HP1BP3: variants seen among roughly 807,000 people sequenced by gnomAD.
HP1BP3 encodes the protein heterochromatin protein 1-binding protein 3.
A neutral mutation model predicts 62.5 loss-of-function variants in HP1BP3; 12 were observed. The observed-to-expected ratio is 0.19, with a 90% CI of 0.12 to 0.31. The LOEUF (loss-of-function observed/expected upper bound fraction) is 0.31, where lower values mean the gene tolerates loss of function less well. Ranked by LOEUF, HP1BP3 falls within the 10% of genes least tolerant of loss-of-function variation. The pLI, the probability that HP1BP3 is intolerant of heterozygous loss-of-function variation, is 1.00. For synonymous variants in HP1BP3, 260 were observed against 237.8 expected, an observed-to-expected ratio of 1.09 and a Z score of -0.86; for missense variants, 502 against 651.8, an observed-to-expected ratio of 0.77 and a Z score of 2.50.
At chr1:20,772,701 C>G (rs530005117) in intron 5 of HP1BP3, among the ~76,000 whole-genome samples, 1 of 152,298 alleles carries the variant, frequency 6.6e-6, no homozygotes, top group South Asian at 2.1e-4. Flanking sequence ...CAGATCCTAA[C>G]AACAGGGTCC....
chr1:20,751,087 G>A (rs1459332099), intron 9 of HP1BP3, among the ~76,000 whole-genome samples: 3 of 151,974 alleles, frequency 2.0e-5, no homozygotes, highest in Non-Finnish European at 4.4e-5. Context: ...GACGTGCTGG[G>A]ATTATAGGTG....
Position 20,771,164 on chromosome 1 carries a change from A to T in HP1BP3, c.511-91T>A, listed in dbSNP as rs1022608928. ...ATAAATTATTTTGGAAGTGAATTTG[A>T]TGATAGATGACAAAAACGGTAGGGA... On this transcript the variant is annotated intron_variant, in intron 5 of 12. Coordinates refer to ENST00000438032, the MANE Select transcript of HP1BP3 (RefSeq NM_001372052.1). 3 of 1,085,150 alleles carry T rather than the reference A, an allele frequency of 2.8e-6. No homozygotes were observed. In the African/African-American group the frequency reaches 4.9e-5, roughly 18 times the overall value. The allele number at this position is 1,085,150 out of a possible 1,614,324, so 67.2% of individuals were successfully genotyped here. A position where few individuals can be genotyped will look rare whatever the true frequency, so the allele number is the denominator to read the frequency against.
intron 6 of HP1BP3, among the ~76,000 whole-genome samples, chr1:20,768,034 A>T (rs2056871425): frequency 6.6e-6 from 1 of 152,194 alleles, no homozygotes; most frequent in African/African-American, 2.4e-5. Flanking sequence ...TAGGGAAATA[A>T]GAAAAGCCCT....
Position 20,741,951 on chromosome 1 carries a change from G to A in HP1BP3, c.*2846C>T, listed in dbSNP as rs530961512. On this transcript the variant is annotated 3_prime_UTR_variant, in exon 13 of 13. Coordinates refer to ENST00000438032, the MANE Select transcript of HP1BP3 (RefSeq NM_001372052.1). Reference sequence around the variant, plus strand: ...TCTTTTATCTCAATGTAAGTAAGGCGTATGTCTTTGACAGTTGTGGATGTT... The same window carrying A: ...TCTTTTATCTCAATGTAAGTAAGGCATATGTCTTTGACAGTTGTGGATGTT... Among the ~76,000 whole-genome samples the A allele has an allele frequency of 2.6e-5, 4 of 152,340 alleles. No homozygotes were observed. Among genetic ancestry groups the A allele is most frequent in the South Asian group, 2.1e-4 (1 of 4,834 alleles).
chr1:20,752,674 G>C (rs2055846423), intron 9 of HP1BP3, among the ~76,000 whole-genome samples: 2 of 152,126 alleles, frequency 1.3e-5, no homozygotes, highest in Admixed American at 6.5e-5. Flanking sequence ...TAAAGGCAGA[G>C]ACACAAAAAT....
chr1:20,751,392 A>G (rs2055740546), intron 9 of HP1BP3, among the ~76,000 whole-genome samples: 1 of 152,030 alleles, frequency 6.6e-6, no homozygotes, highest in Non-Finnish European at 1.5e-5. Context: ...TAGCCCTTTT[A>G]ATCCTATGAG....
intron 3 of HP1BP3, among the ~76,000 whole-genome samples, chr1:20,777,205 G>C (rs961747452): frequency 6.6e-6 from 1 of 151,848 alleles, no homozygotes; most frequent in African/African-American, 2.4e-5. Flanking sequence ...TTCCTTCACA[G>C]CATGTCTCTG....
intron 1 of HP1BP3, among the ~76,000 whole-genome samples, chr1:20,786,023 G>A (rs1039770391): frequency 3.3e-5 from 5 of 152,192 alleles, no homozygotes; most frequent in Non-Finnish European, 5.9e-5. Flanking sequence ...TGCAAAGTCA[G>A]GAAGCACAAT....
At chr1:20,767,272 T>C (rs923944304) in intron 7 of HP1BP3, among the ~76,000 whole-genome samples, 2 of 152,218 alleles carry the variant, frequency 1.3e-5, no homozygotes, top group African/African-American at 4.8e-5. Flanking sequence ...GCTGAGATCA[T>C]GTCACTGCAC....
At chr1:20,745,502 A>AT (rs779977014) in intron 12 of HP1BP3, 41 bp downstream of exon 12, 5 of 1,604,576 alleles carry the variant, frequency 3.1e-6, no homozygotes, top group South Asian at 2.2e-5. Flanking sequence ...GCTCTGAGGT[A>AT]TTTAGTGTCC....
At chr1:20,779,377 C>T (rs541808284) in intron 3 of HP1BP3, among the ~76,000 whole-genome samples, 98 of 152,246 alleles carry the variant, frequency 6.4e-4, no homozygotes, top group African/African-American at 2.2e-3. Flanking sequence ...AATCTTCTCT[C>T]TACCAATACC....
At chr1:20,749,421 C>T (rs529121478) in intron 10 of HP1BP3, among the ~76,000 whole-genome samples, 12 of 149,874 alleles carry the variant, frequency 8.0e-5, no homozygotes, top group African/African-American at 3.0e-4. Context: ...TACAATGGTG[C>T]AATCTCGGCT....
At chr1:20,776,843 A>G in intron 3 of HP1BP3, 93 bp from the exon 4 acceptor site, 1 of 1,043,092 alleles carries the variant, frequency 9.6e-7, no homozygotes, top group Non-Finnish European at 1.3e-6. Context: ...CGGACCAGCC[A>G]AAGTCTCCAA....
intron 6 of HP1BP3, 102 bp from the exon 7 acceptor site, chr1:20,767,766 T>G: frequency 1.4e-6 from 1 of 697,260 alleles, no homozygotes; most frequent in Non-Finnish European, 2.4e-6. Context: ...AAGTGGTGTT[T>G]ACTTCTTCAG....
At chr1:20,748,545 G>A (rs1156793305) in intron 10 of HP1BP3, among the ~76,000 whole-genome samples, 11 of 152,200 alleles carry the variant, frequency 7.2e-5, no homozygotes, top group Non-Finnish European at 1.5e-4. Flanking sequence ...AGGAGATTGA[G>A]ATCATCTTGG....
Position 20,757,146 on chromosome 1 carries a change from C to T in HP1BP3, c.981+20G>A, listed in dbSNP as rs1348809605. The T allele has an allele frequency of 1.9e-6, 3 of 1,543,212 alleles. No individual in the cohort carries two copies. The highest frequency in any genetic ancestry group is 1.8e-5 in the Admixed American group (1 of 54,312). ...AACTTTAAGAAGCACTTCTCCACAA[C>T]CAGGCCTCTGATCTCTAACCTGGAA... On this transcript the variant is annotated intron_variant, in intron 9 of 12. Transcript: ENST00000438032.
chr1:20,778,876 G>A lies in HP1BP3; in HGVS notation c.196+936C>T, dbSNP rs2057417248. 4.0e-5 allele frequency among the ~76,000 whole-genome samples: 6 copies of A among 150,500 alleles called. No homozygotes were observed. In the Admixed American group the frequency reaches 4.0e-4, roughly 10 times the overall value. On this transcript the variant is annotated intron_variant, in intron 3 of 12. Coordinates refer to ENST00000438032, the MANE Select transcript of HP1BP3 (RefSeq NM_001372052.1). ...GTGATCTCAGCTCACTGCAACCTCT[G>A]CCTCCTGGGCTCAAGCAATTCTTGT... is the stretch of plus-strand genomic sequence containing the variant.
At chr1:20,768,032 T>C (rs2056871302) in intron 6 of HP1BP3, among the ~76,000 whole-genome samples, 1 of 148,764 alleles carries the variant, frequency 6.7e-6, no homozygotes, top group African/African-American at 2.5e-5. Context: ...CTTAGGGAAA[T>C]AAGAAAAGCC....
At position 20,750,817 on chromosome 1, in the gene HP1BP3, T is replaced by TC. The variant is rs72064867; in HGVS notation, c.982-936_982-935insG. On this transcript the variant is annotated intron_variant, in intron 9 of 12. Coordinates refer to ENST00000438032, the MANE Select transcript of HP1BP3 (RefSeq NM_001372052.1). ...ATGAACAATAAATATATTTTCTCTC[T>TC]TTTTTTTTTTTTTTTTTTGAGACAG... Among the ~76,000 whole-genome samples, 28 of 19,288 alleles carry TC rather than the reference T, an allele frequency of 1.5e-3. No individual in the cohort carries two copies. The East Asian group carries it at 0.033, about 22-fold the overall frequency. 12.7% of individuals were successfully genotyped at this position (19,288 alleles called of 152,430 possible).
Sources: gnomAD v4.1 joint callset for allele counts (sites outside exome capture counted in the v4.1 genomes callset) on GRCh38, gnomAD v4.1.1 for gene constraint, MANE v1.5 for transcripts, NCBI Gene and HGNC (gene_info 2026-07-23, HGNC 2026-07-21) for gene names.